The following GSPT1 variants were observed in gnomAD, a reference collection of about 807,000 sequenced individuals.
GSPT1 encodes the protein G1 to S phase transition 1.
GSPT1 carries 20 observed loss-of-function variants against 72.5 expected under a neutral mutation model. The ratio of observed to expected loss-of-function variants is 0.28; its 90% CI spans 0.19 to 0.40. GSPT1 has a LOEUF of 0.40. Among genes scored for constraint, GSPT1 ranks in the 10% least tolerant of loss-of-function variants. GSPT1 has a pLI of 1.00. For missense variants in GSPT1, 580 were observed against 811.9 expected (o/e 0.71, Z 3.47); for synonymous variants, 334 against 293.5 (o/e 1.14, Z -1.41).
At chr16:11,890,325 C>T (rs891270944) in intron 6 of GSPT1, among the ~76,000 whole-genome samples, 2 of 152,124 alleles carry the variant, frequency 1.3e-5, no homozygotes, top group African/African-American at 2.4e-5. Context: ...AAGCCACTAA[C>T]GCACCATGTG....
intron 9 of GSPT1, 51 bp downstream of exon 9, chr16:11,886,420 A>C: frequency 1.6e-6 from 2 of 1,257,776 alleles, no homozygotes; most frequent in South Asian, 2.6e-5. Flanking sequence ...TAAGTAATTT[A>C]AGTAATAACA....
rs777502637 is a variant in GSPT1, at chr16:11,915,779, G to A, written c.-59C>T. 16 of 1,571,706 alleles carry A rather than the reference G, an allele frequency of 1.0e-5. No homozygotes were observed. The African/African-American group carries it at 1.4e-4, about 13-fold the overall frequency. On this transcript the variant is annotated 5_prime_UTR_variant, in exon 1 of 15. Transcript: ENST00000434724. The stretch of plus-strand genomic sequence containing the variant: ...GCGGGAAATGGAGGCAGGGGCGCCC[G>A]GCCGGAGAGGAGTGGGCAACGCTGA...
intron 5 of GSPT1, among the ~76,000 whole-genome samples, chr16:11,892,519 A>AATAATAAAAAAT (rs1473554249): frequency 7.0e-6 from 1 of 142,696 alleles, no homozygotes; most frequent in African/African-American, 2.8e-5. Flanking sequence ...AAAAACAAAA[A>AATAATAAAAAAT]AAACAAAAAA....
At chr16:11,909,861 G>A (rs868012680) in intron 1 of GSPT1, among the ~76,000 whole-genome samples, 6 of 152,274 alleles carry the variant, frequency 3.9e-5, no homozygotes, top group Middle Eastern at 3.4e-3. Context: ...GGGAGGCAGA[G>A]GTTACGGTGA....
rs371597035 is a variant in GSPT1 at position 11,875,943 on chromosome 16, G to A, written c.1693-14C>T. The A allele has an allele frequency of 1.2e-6, 2 of 1,605,432 alleles. No homozygotes were observed. Among genetic ancestry groups the A allele is most frequent in the Non-Finnish European group, 1.7e-6 (2 of 1,175,698 alleles). The stretch of plus-strand genomic sequence containing the variant: ...GCAGATTAAGGCCTAACCAAGAAAA[G>A]AGTATGAGAAAATCAGAATAATGCC... On this transcript the variant is annotated splice_polypyrimidine_tract_variant and intron_variant, in intron 13 of 14. Coordinates refer to ENST00000434724, the MANE Select transcript of GSPT1 (RefSeq NM_002094.4).
At chr16:11,912,581 A>G (rs967112686) in intron 1 of GSPT1, among the ~76,000 whole-genome samples, 4 of 152,202 alleles carry the variant, frequency 2.6e-5, no homozygotes, top group Non-Finnish European at 4.4e-5. Context: ...GGGATGATGC[A>G]AAGAACACCA....
rs560934403 is a variant in GSPT1 at position 11,910,037 on chromosome 16, C to T, written c.352+5332G>A. Among the ~76,000 whole-genome samples, 11 of 152,222 alleles carry T rather than the reference C, an allele frequency of 7.2e-5. No homozygotes were observed. In the South Asian group the frequency reaches 1.0e-3, roughly 14 times the overall value. ...ACTTGAGCCCAGGGATTTGAAGTTA[C>T]GATGAGCTATAATCACACAATTATA... On this transcript the variant is annotated intron_variant, in intron 1 of 14. Coordinates refer to ENST00000434724, the MANE Select transcript of GSPT1 (RefSeq NM_002094.4).
chr16:11,880,993 G>C (rs1029629484), intron 11 of GSPT1: 3 of 152,588 alleles, frequency 2.0e-5, no homozygotes, highest in African/African-American at 7.2e-5. Flanking sequence ...CCGCCTCCCG[G>C]GTTCAAGCGA....
At chr16:11,876,497 AGGCGGCAGGGGGGCCGG>A (rs1205724442) in intron 12 of GSPT1, among the ~76,000 whole-genome samples, 4 of 152,090 alleles carry the variant, frequency 2.6e-5, no homozygotes, top group African/African-American at 9.7e-5. Context: ...TGGGAGGCCG[AGGCGGCAGGGGGGCCGG>A]GGGGATCACC....
At chr16:11,899,643 C>A (rs561925586) in intron 1 of GSPT1, among the ~76,000 whole-genome samples, 8 of 152,130 alleles carry the variant, frequency 5.3e-5, no homozygotes, top group Non-Finnish European at 1.2e-4. Flanking sequence ...TGTACTTCAA[C>A]ACAATACAGA....
rs543577465 is a variant in GSPT1, at chr16:11,908,639, A to C, written c.352+6730T>G. 2.9e-5 allele frequency among the ~76,000 whole-genome samples: 3 copies of C among 104,892 alleles called. 1 individual carries two copies. The highest frequency in any genetic ancestry group is 9.9e-5 in the African/African-American group (2 of 20,252). 68.8% of individuals were successfully genotyped at this position (104,892 alleles called of 152,430 possible). On this transcript the variant is annotated intron_variant, in intron 1 of 14. Transcript: ENST00000434724. ...GCCGGGCGTAGTGGCGGGCGCCTGTAGTCCCAGCTACTTGGGAGACTGAGG... is the reference window on the plus strand; with the variant it reads ...GCCGGGCGTAGTGGCGGGCGCCTGTCGTCCCAGCTACTTGGGAGACTGAGG...
intron 1 of GSPT1, among the ~76,000 whole-genome samples, chr16:11,908,042 G>C (rs565670991): frequency 4.8e-4 from 72 of 151,122 alleles, no homozygotes; most frequent in African/African-American, 1.3e-3. Flanking sequence ...AGGAGTGCGA[G>C]ACCAGCCTGG....
intron 5 of GSPT1, among the ~76,000 whole-genome samples, chr16:11,894,010 G>C (rs1456262180): frequency 2.6e-5 from 4 of 151,656 alleles, no homozygotes; most frequent in African/African-American, 9.7e-5. Flanking sequence ...ACAAAAATTA[G>C]CCAGGCTTGG....
intron 4 of GSPT1, chr16:11,895,519 A>G (rs424905): frequency 0.063 from 9,567 of 152,342 alleles, 385 homozygotes; most frequent in South Asian, 0.16. Context: ...GCAACAGACT[A>G]TAAATTCCCC....
intron 1 of GSPT1, among the ~76,000 whole-genome samples, chr16:11,914,126 AC>A (rs1323188852): frequency 1.3e-5 from 2 of 152,102 alleles, no homozygotes; most frequent in Non-Finnish European, 2.9e-5. Context: ...GTCATGACCC[AC>A]CCCACTAACG....
At chr16:11,893,515 A>C (rs1354701695) in intron 5 of GSPT1, among the ~76,000 whole-genome samples, 1 of 152,186 alleles carries the variant, frequency 6.6e-6, no homozygotes, top group East Asian at 1.9e-4. Context: ...CTAGGCAAGT[A>C]AGTCTTATTA....
chr16:11,875,254 TA>T (rs1314211549), intron 14 of GSPT1, among the ~76,000 whole-genome samples: 2 of 151,974 alleles, frequency 1.3e-5, no homozygotes, highest in African/African-American at 4.8e-5. Context: ...ACAGGAATAT[TA>T]AAAGCTCATA....
chr16:11,896,442 A>T, intron 4 of GSPT1, 116 bp downstream of exon 4: 1 of 709,520 alleles, frequency 1.4e-6, no homozygotes, highest in Non-Finnish European at 2.3e-6. Context: ...GCAAGTTAAA[A>T]ATCAAGACAT....
chr16:11,895,066 A>C (rs2054316975), intron 4 of GSPT1, 79 bp from the exon 5 acceptor site: 1 of 806,042 alleles, frequency 1.2e-6, no homozygotes, highest in Admixed American at 2.1e-5. Flanking sequence ...AGCACCCTTT[A>C]ACATACATAA....
Sources: gnomAD v4.1 joint callset for allele counts (sites outside exome capture counted in the v4.1 genomes callset) on GRCh38, gnomAD v4.1.1 for gene constraint, MANE v1.5 for transcripts, NCBI Gene and HGNC (gene_info 2026-07-23, HGNC 2026-07-21) for gene names.